The following UNC13B variants were observed in gnomAD, a reference collection of about 807,000 sequenced individuals.
The protein encoded by UNC13B is unc-13 homolog B, also known as protein unc-13 homolog B.
In UNC13B, 144 loss-of-function variants were observed where a neutral mutation model predicts 211.0. The ratio of observed to expected loss-of-function variants is 0.68; its 90% CI spans 0.60 to 0.78. UNC13B has a LOEUF of 0.78. Among genes scored for constraint, UNC13B ranks in the 30% least tolerant of loss-of-function variants. The pLI, the probability that UNC13B is intolerant of heterozygous loss-of-function variation, is 0.00. For synonymous variants in UNC13B, 709 were observed against 725.8 expected (o/e 0.98, Z 0.37); for missense variants, 1,777 against 2,002.0 (o/e 0.89, Z 2.14).
intron 1 of UNC13B, among the ~76,000 whole-genome samples, chr9:35,200,909 G>T (rs1169698120): frequency 1.3e-5 from 2 of 152,176 alleles, no homozygotes; most frequent in Admixed American, 6.5e-5. Context: ...TCCCTGTCTT[G>T]TGCCAGTTTT....
chr9:35,377,733 G>C, intron 16 of UNC13B, 38 bp downstream of exon 16: 1 of 1,595,776 alleles, frequency 6.3e-7, no homozygotes, highest in Non-Finnish European at 8.6e-7. Context: ...GGAAGGCCTG[G>C]GCTATGGGGA....
At chr9:35,342,433 A>C in intron 11 of UNC13B, 1 of 897,788 alleles carries the variant, frequency 1.1e-6, no homozygotes, top group Non-Finnish European at 1.3e-6. Context: ...CAGCTACATT[A>C]ATTACGTAAT....
rs979704362 is a variant in UNC13B, at chr9:35,236,712, G to A, written c.270+126G>A. ...ATTCTTCCCCCTTTCTAATTAGAGG[G>A]CATGCAACCTGCCTGTTCCTAACTT... is the stretch of plus-strand genomic sequence containing the variant. On this transcript the variant is annotated intron_variant, in intron 4 of 39. Coordinates refer to ENST00000635942, the MANE Select transcript of UNC13B (RefSeq NM_001371189.2). 4.4e-5 allele frequency: 37 copies of A among 845,814 alleles called. 1 individual carries two copies. In the South Asian group the frequency reaches 5.8e-4, roughly 13 times the overall value. 52.4% of individuals were successfully genotyped at this position (845,814 alleles called of 1,614,324 possible).
chr9:35,360,074 G>A (rs1833308330), intron 11 of UNC13B, among the ~76,000 whole-genome samples: 1 of 152,230 alleles, frequency 6.6e-6, no homozygotes, highest in Non-Finnish European at 1.5e-5. Context: ...ATGTTCTTCC[G>A]AAAATACTTT....
At chr9:35,269,122 T>A (rs1827736381) in intron 7 of UNC13B, among the ~76,000 whole-genome samples, 1 of 152,172 alleles carries the variant, frequency 6.6e-6, no homozygotes, top group African/African-American at 2.4e-5. Context: ...CCCACAAGAC[T>A]GCCTCCCACT....
rs368712468 is a variant in UNC13B at position 35,310,487 on chromosome 9, A to G, written c.9029A>G (p.Tyr3010Cys). The change falls in exon 10 of 40, where the codon TAT becomes TGT. Residue 3010 changes from tyrosine (Y) to cysteine (C), a missense_variant. Transcript: ENST00000635942. The stretch of plus-strand genomic sequence containing the variant: ...CACAGCCCCACCAGCAGCAGTAGGT[A>G]TGGCTCCTCCTGTAATGTGAGTCAA... ...TNKSPTSSSR[Y>C]GSSCNVSQGS... is the part of the protein sequence containing the mutation. 4 of 1,613,798 alleles carry G rather than the reference A, an allele frequency of 2.5e-6. No individual in the cohort carries two copies. The highest frequency in any genetic ancestry group is 1.7e-5 in the Admixed American group (1 of 59,998).
chr9:35,330,583 G>A (rs1458312962), intron 11 of UNC13B, among the ~76,000 whole-genome samples: 1 of 152,218 alleles, frequency 6.6e-6, no homozygotes, highest in African/African-American at 2.4e-5. Context: ...AGAAGTCAAC[G>A]GAAGCCAAAG....
chr9:35,290,545 T>A (rs565788088), intron 7 of UNC13B, among the ~76,000 whole-genome samples: 1 of 151,446 alleles, frequency 6.6e-6, no homozygotes, highest in South Asian at 2.1e-4. Context: ...TAACTTTCAG[T>A]AGAGAACAGC....
chr9:35,237,611 C>G, intron 4 of UNC13B, 92 bp from the exon 5 acceptor site: 1 of 1,547,266 alleles, frequency 6.5e-7, no homozygotes, highest in East Asian at 2.3e-5. Context: ...CTCAGAAGCT[C>G]AAACAAGGAA....
In UNC13B at chr9:35,404,351, C is replaced by T; in HGVS notation, c.*318C>T. On this transcript the variant is annotated 3_prime_UTR_variant, in exon 40 of 40. Transcript: ENST00000635942. Reference sequence around the variant, plus strand: ...GTAGACACCTCTCCACTCCTCATCCCACCTCTACCCATCTCCATGCCACAC... The same window carrying T: ...GTAGACACCTCTCCACTCCTCATCCTACCTCTACCCATCTCCATGCCACAC... The T allele has an allele frequency of 5.4e-6, 2 of 369,226 alleles. No homozygotes were observed. The highest frequency in any genetic ancestry group is 6.9e-5 in the South Asian group (2 of 28,858). The allele number at this position is 369,226 out of a possible 1,614,324, so 22.9% of individuals were successfully genotyped here.
chr9:35,398,233 T>C lies in UNC13B; in HGVS notation c.11777T>C (p.Val3926Ala). The change falls in exon 31 of 40, where the codon GTG becomes GCG. Residue 3926 changes from valine (V) to alanine (A), a missense_variant. Coordinates refer to ENST00000635942, the MANE Select transcript of UNC13B (RefSeq NM_001371189.2). ...AAGCCCTGCATCCTGATGAACAACG[T>C]GCAGCAACTGAGGGTCCAGCTGGAG... Reference protein sequence around the residue: ...EKLPCILMNNVQQLRVQLEKM... With the variant: ...EKLPCILMNNAQQLRVQLEKM... The C allele has an allele frequency of 2.5e-6, 4 of 1,613,918 alleles. No individual in the cohort carries two copies. Among genetic ancestry groups the C allele is most frequent in the Non-Finnish European group, 3.4e-6 (4 of 1,179,920 alleles).
chr9:35,375,207 T>C lies in UNC13B; in HGVS notation c.9615+6T>C, dbSNP rs1449679368. ...CTCTTAAGGACGAAGAGCTGGTAAG[T>C]GTCCCAAGTGCTTTCGTAAGTCCAC... is the stretch of plus-strand genomic sequence containing the variant. On this transcript the variant is annotated splice_donor_region_variant and intron_variant, in intron 14 of 39. Coordinates refer to ENST00000635942, the MANE Select transcript of UNC13B (RefSeq NM_001371189.2). 6.2e-7 allele frequency: 1 copy of C among 1,614,074 alleles called. No homozygotes were observed. Among genetic ancestry groups the C allele is most frequent in the Non-Finnish European group, 8.5e-7 (1 of 1,179,904 alleles).
intron 5 of UNC13B, among the ~76,000 whole-genome samples, chr9:35,238,666 A>G (rs1169693662): frequency 6.6e-6 from 1 of 150,966 alleles, no homozygotes; most frequent in Non-Finnish European, 1.5e-5. Flanking sequence ...AGTAATTCTC[A>G]TGTCTCAGCC....
At chr9:35,400,207 A>G (rs1219574175) in intron 36 of UNC13B, 89 bp from the exon 37 acceptor site, 1 of 1,537,268 alleles carries the variant, frequency 6.5e-7, no homozygotes, top group Non-Finnish European at 8.8e-7. Context: ...CTATTCTCAC[A>G]GTCCTCTTCT....
intron 1 of UNC13B, among the ~76,000 whole-genome samples, chr9:35,209,913 G>A (rs1014140536): frequency 3.9e-5 from 6 of 152,132 alleles, no homozygotes; most frequent in South Asian, 2.1e-4. Flanking sequence ...TTCCTTAGGT[G>A]CCTTACCCTT....
At chr9:35,313,424 A>G (rs1386605595) in intron 10 of UNC13B, among the ~76,000 whole-genome samples, 1 of 152,094 alleles carries the variant, frequency 6.6e-6, no homozygotes, top group Non-Finnish European at 1.5e-5. Flanking sequence ...CAGGAGTTCA[A>G]GACAAGCCTG....
intron 6 of UNC13B, among the ~76,000 whole-genome samples, chr9:35,254,384 T>G (rs1055244212): frequency 4.6e-5 from 7 of 152,186 alleles, no homozygotes; most frequent in Non-Finnish European, 1.0e-4. Flanking sequence ...CCCTGCTGTG[T>G]TCTCATGTGA....
intron 9 of UNC13B, among the ~76,000 whole-genome samples, chr9:35,309,141 A>G (rs1217865461): frequency 1.3e-5 from 2 of 152,048 alleles, no homozygotes; most frequent in Non-Finnish European, 2.9e-5. Context: ...ATTTCCCCTA[A>G]GAAGCAGTAC....
At chr9:35,308,553 G>A (rs1587588503) in intron 9 of UNC13B, 141 bp downstream of exon 9, 1 of 395,494 alleles carries the variant, frequency 2.5e-6, no homozygotes, top group Non-Finnish European at 4.5e-6. Flanking sequence ...TGTTAATTAG[G>A]GGTTAAATAA....
Sources: allele counts gnomAD v4.1 joint callset (sites outside exome capture counted in the v4.1 genomes callset), GRCh38; gene constraint gnomAD v4.1.1; transcripts MANE v1.5; gene names NCBI Gene and HGNC (gene_info 2026-07-23, HGNC 2026-07-21).